The following FAM20C variants were observed in gnomAD, a reference collection of about 807,000 sequenced individuals.
FAM20C encodes the protein extracellular serine/threonine protein kinase FAM20C.
In FAM20C, 40 loss-of-function variants were observed where a neutral mutation model predicts 51.5. The observed-to-expected ratio is 0.78, with a 90% CI of 0.60 to 1.01. The LOEUF (loss-of-function observed/expected upper bound fraction) is 1.01, where lower values mean the gene tolerates loss of function less well. Ranked by LOEUF, FAM20C falls within the 50% of genes least tolerant of loss-of-function variation. The pLI is 0.00. For missense variants in FAM20C, 861 were observed against 844.7 expected (o/e 1.02, Z -0.24); for synonymous variants, 406 against 380.6 (o/e 1.07, Z -0.78).
intron 5 of FAM20C, among the ~76,000 whole-genome samples, chr7:250,493 C>T (rs1233514487): frequency 6.6e-6 from 1 of 152,216 alleles, no homozygotes; most frequent in Non-Finnish European, 1.5e-5. Context: ...GTGCCTGAGC[C>T]AGGCACACCT....
chr7:260,141 G>A lies in FAM20C; in HGVS notation c.*161G>A. On this transcript the variant is annotated 3_prime_UTR_variant, in exon 10 of 10. Coordinates refer to ENST00000313766, the MANE Select transcript of FAM20C (RefSeq NM_020223.4). ...AGGCGAGGCTCCCCAGGTCTCATAG[G>A]ACACATTTTGTCAGTGTTTGACCAG... is the stretch of plus-strand genomic sequence containing the variant. 1 of 998,516 alleles carries A rather than the reference G, an allele frequency of 1.0e-6. No individual in the cohort carries two copies. The highest frequency in any genetic ancestry group is 1.4e-6 in the Non-Finnish European group (1 of 727,744). 61.9% of individuals were successfully genotyped at this position (998,516 alleles called of 1,614,324 possible). A position where few individuals can be genotyped will look rare whatever the true frequency, so the allele number is the denominator to read the frequency against.
intron 2 of FAM20C, among the ~76,000 whole-genome samples, chr7:207,097 T>C (rs867894224): frequency 1.3e-4 from 3 of 22,654 alleles, no homozygotes; most frequent in Non-Finnish European, 1.9e-4. Context: ...TCGGTCACTG[T>C]CCCCTCGGCC....
intron 4 of FAM20C, among the ~76,000 whole-genome samples, chr7:247,024 G>A (rs926084117): frequency 6.6e-6 from 1 of 152,216 alleles, no homozygotes; most frequent in Non-Finnish European, 1.5e-5. Flanking sequence ...AAGAGGGAAG[G>A]AGGCAGGGAG....
chr7:237,823 G>A (rs1360503197), intron 3 of FAM20C, among the ~76,000 whole-genome samples: 204 of 20,152 alleles, frequency 0.01, no homozygotes, highest in East Asian at 0.019. Flanking sequence ...GATCATGGTA[G>A]AGGTAATAGT....
intron 3 of FAM20C, chr7:246,147 A>AGCTGGGTC: frequency 2.9e-6 from 1 of 349,732 alleles, no homozygotes; most frequent in Non-Finnish European, 5.3e-6. Flanking sequence ...CCTCCGTCGC[A>AGCTGGGTC]AGGGCCTGCG....
intron 3 of FAM20C, among the ~76,000 whole-genome samples, chr7:231,460 C>G: frequency 6.6e-6 from 1 of 151,110 alleles, no homozygotes; most frequent in East Asian, 2.0e-4. Context: ...GAGGAGGGTC[C>G]CGGCGTGGAG....
intron 2 of FAM20C, among the ~76,000 whole-genome samples, chr7:206,864 C>T (rs113624461): frequency 2.0e-5 from 1 of 48,802 alleles, no homozygotes; most frequent in Non-Finnish European, 3.8e-5. Context: ...GCGTCGGTCA[C>T]GGTCCCCTCG....
chr7:236,936 C>T (rs1787867015), intron 3 of FAM20C, among the ~76,000 whole-genome samples: 1 of 152,222 alleles, frequency 6.6e-6, no homozygotes, highest in African/African-American at 2.4e-5. Flanking sequence ...ATTTCAGAGC[C>T]TCTTCCAGGA....
At chr7:258,288 G>C (rs1467767606) in intron 8 of FAM20C, among the ~76,000 whole-genome samples, 2 of 124,412 alleles carry the variant, frequency 1.6e-5, no homozygotes, top group African/African-American at 6.8e-5. Flanking sequence ...CCCACTGCCT[G>C]GGGTGCTGGA....
intron 5 of FAM20C, among the ~76,000 whole-genome samples, chr7:254,244 C>T (rs1347164591): frequency 1.3e-5 from 2 of 152,242 alleles, no homozygotes; most frequent in Admixed American, 1.3e-4. Context: ...CTCCTGTTCA[C>T]TCCGCTGGGA....
At position 258,928 on chromosome 7, in the gene FAM20C, C is replaced by T. The variant is rs147638425; in HGVS notation, c.1505+223C>T. Among the ~76,000 whole-genome samples the T allele has an allele frequency of 0.039, 5,959 of 152,288 alleles. 304 individuals carry two copies. Among genetic ancestry groups the T allele is most frequent in the African/African-American group, 0.11 (4,755 of 41,538 alleles). On this transcript the variant is annotated intron_variant, in intron 9 of 9. Transcript: ENST00000313766. ...CAGGCCCATCCAGCTCGAGCCCCCT[C>T]GGGCCTCCACTCTGTGTCCGTCCTG...
intron 9 of FAM20C, among the ~76,000 whole-genome samples, chr7:259,510 CTGT>C: frequency 6.6e-6 from 1 of 152,210 alleles, no homozygotes; most frequent in African/African-American, 2.4e-5. Context: ...CTCTTTCTGT[CTGT>C]CTGTCTCTGT....
intron 1 of FAM20C, chr7:195,283 A>C: frequency 2.6e-6 from 1 of 381,272 alleles, no homozygotes; most frequent in Non-Finnish European, 4.6e-6. Context: ...GACGTCCTGG[A>C]ATTAGTTTTG....
At chr7:256,589 C>T in intron 6 of FAM20C, 65 bp from the exon 7 acceptor site, 1 of 1,328,334 alleles carries the variant, frequency 7.5e-7, no homozygotes, top group Non-Finnish European at 1.0e-6. Flanking sequence ...TTCTGCTCCT[C>T]ATGGCACGCG....
intron 2 of FAM20C, among the ~76,000 whole-genome samples, chr7:200,545 A>T (rs117000693): frequency 0.053 from 8,128 of 152,354 alleles, 295 homozygotes; most frequent in Non-Finnish European, 0.083. Context: ...CAGAGACAGC[A>T]GCCCCCTAGC....
At position 196,565 on chromosome 7, in the gene FAM20C, A is replaced by G. The variant is rs537411882; in HGVS notation, c.784+833A>G. ...ACAGCTGTGGGCAGGTGCAGAGGCCATGACAGCCTGAAGGCAGGGCTTTCT... is the reference window on the plus strand; with the variant it reads ...ACAGCTGTGGGCAGGTGCAGAGGCCGTGACAGCCTGAAGGCAGGGCTTTCT... On this transcript the variant is annotated intron_variant, in intron 2 of 9. Coordinates refer to ENST00000313766, the MANE Select transcript of FAM20C (RefSeq NM_020223.4). Among the ~76,000 whole-genome samples the G allele has an allele frequency of 5.3e-5, 8 of 152,302 alleles. No homozygotes were observed. In the South Asian group the frequency reaches 1.0e-3, roughly 20 times the overall value.
At chr7:230,595 C>T (rs1207180569) in intron 3 of FAM20C, among the ~76,000 whole-genome samples, 4 of 152,166 alleles carry the variant, frequency 2.6e-5, no homozygotes, top group South Asian at 2.1e-4. Flanking sequence ...GGTGTCTCCC[C>T]GATTCAGTGT....
rs376034182 is a variant in FAM20C at position 258,378 on chromosome 7, A to T, written c.1446-268A>T. Among the ~76,000 whole-genome samples, 119 of 69,918 alleles carry T rather than the reference A, an allele frequency of 1.7e-3. 2 individuals are homozygous for T. Among genetic ancestry groups the T allele is most frequent in the Non-Finnish European group, 2.3e-3 (73 of 31,072 alleles). 45.9% of individuals were successfully genotyped at this position (69,918 alleles called of 152,430 possible). On this transcript the variant is annotated intron_variant, in intron 8 of 9. Transcript: ENST00000313766. ...ACTGCCTGAGGTGCTGGAGATGGGC[A>T]GGGTGGACCCACTGCCCGGGATGCT... is the stretch of plus-strand genomic sequence containing the variant.
intron 8 of FAM20C, 74 bp from the exon 9 acceptor site, chr7:258,572 C>T: frequency 2.0e-6 from 3 of 1,464,292 alleles, no homozygotes; most frequent in African/African-American, 1.4e-5. Flanking sequence ...GGACCCATGG[C>T]CCAGCTCCCA....
Sources: gnomAD v4.1 joint callset for allele counts (sites outside exome capture counted in the v4.1 genomes callset) on GRCh38, gnomAD v4.1.1 for gene constraint, MANE v1.5 for transcripts, NCBI Gene and HGNC (gene_info 2026-07-23, HGNC 2026-07-21) for gene names.